KIAA1671: variants seen among roughly 807,000 people sequenced by gnomAD.
KIAA1671 encodes the protein uncharacterized protein KIAA1671.
In KIAA1671, 52 loss-of-function variants were observed where a neutral mutation model predicts 131.2. That is an observed-to-expected ratio of 0.40 (90% CI 0.32 to 0.50). KIAA1671 has a LOEUF of 0.50. Among genes scored for constraint, KIAA1671 ranks in the 20% least tolerant of loss-of-function variants. KIAA1671 has a pLI of 0.73. For synonymous variants in KIAA1671, 1,003 were observed against 961.6 expected, an observed-to-expected ratio of 1.04 and a Z score of -0.80; for missense variants, 2,360 against 2,364.2, an observed-to-expected ratio of 1.00 and a Z score of 0.04.
chr22:25,114,886 G>A (rs528374197), intron 6 of KIAA1671, among the ~76,000 whole-genome samples: 1 of 152,288 alleles, frequency 6.6e-6, no homozygotes, highest in East Asian at 1.9e-4. Flanking sequence ...GAGGGGGCAG[G>A]ATTTTAGTCT....
chr22:25,143,844 A>T (rs1332356777), intron 6 of KIAA1671, among the ~76,000 whole-genome samples: 1 of 151,750 alleles, frequency 6.6e-6, no homozygotes, highest in African/African-American at 2.4e-5. Context: ...AAGTGAATTA[A>T]CCTCTCTGAA....
intron 6 of KIAA1671, among the ~76,000 whole-genome samples, chr22:25,119,541 A>G (rs12158130): frequency 8.4e-4 from 128 of 152,364 alleles, no homozygotes; most frequent in African/African-American, 3.0e-3. Context: ...CATGGGACTC[A>G]TAGGAGCAGG....
At chr22:25,139,078 A>G (rs966518479) in intron 6 of KIAA1671, among the ~76,000 whole-genome samples, 7 of 152,168 alleles carry the variant, frequency 4.6e-5, no homozygotes, top group African/African-American at 1.7e-4. Flanking sequence ...AACAATTACT[A>G]TGGCTTTTAG....
At chr22:25,051,632 C>T (rs1927539864) in intron 6 of KIAA1671, 1 of 152,118 alleles carries the variant, frequency 6.6e-6, no homozygotes, top group Non-Finnish European at 1.5e-5. Flanking sequence ...CTTTTTTTCT[C>T]ACCTGTCCAA....
At chr22:24,994,123 A>G (rs969845744) in intron 1 of KIAA1671, among the ~76,000 whole-genome samples, 2 of 152,096 alleles carry the variant, frequency 1.3e-5, no homozygotes, top group South Asian at 2.1e-4. Flanking sequence ...AAGTGTTACA[A>G]CCTCATCATC....
In KIAA1671 at chr22:25,174,464, G is replaced by C. The variant is rs1042157157; in HGVS notation, c.4874G>C (p.Arg1625Thr). The stretch of plus-strand genomic sequence containing the variant: ...CCACCGGACGCCTGCCCTGAAAAGA[G>C]AGTAGATGACTTCTCCTTCATTGAT... ...PPPPDACPEK[R>T]VDDFSFIDQT... Residue 1625 changes from arginine (R) to threonine (T), a missense_variant, in exon 8 of 13, where the codon AGA (arginine) becomes ACA (threonine). This residue lies in a region of KIAA1671 where 1,161 missense variants were observed against 1,204.7 expected (regional missense o/e 0.96). Transcript: ENST00000358431. 4.6e-6 allele frequency: 7 copies of C among 1,534,806 alleles called. No individual in the cohort carries two copies. In the African/African-American group the frequency reaches 8.3e-5, roughly 18 times the overall value.
chr22:25,072,957 A>ATGGGCCCCTCCTCACTGCCCC (rs1024800598), intron 6 of KIAA1671, among the ~76,000 whole-genome samples: 1 of 152,184 alleles, frequency 6.6e-6, no homozygotes, highest in African/African-American at 2.4e-5. Context: ...TTTCTTCAGC[A>ATGGGCCCCTCCTCACTGCCCC]TGGGCCCCTC....
At chr22:25,111,301 G>A (rs1375220829) in intron 6 of KIAA1671, among the ~76,000 whole-genome samples, 1 of 152,256 alleles carries the variant, frequency 6.6e-6, no homozygotes, top group Non-Finnish European at 1.5e-5. Flanking sequence ...TGAGGGCACA[G>A]GGGTGGGTAG....
intron 6 of KIAA1671, chr22:25,053,028 A>T (rs371204211): frequency 6.6e-6 from 1 of 151,992 alleles, no homozygotes; most frequent in African/African-American, 2.4e-5. Context: ...TTATTATTTT[A>T]TTATTATTTG....
chr22:25,049,219 C>T lies in KIAA1671; in HGVS notation c.4396-11C>T. On this transcript the variant is annotated splice_polypyrimidine_tract_variant and intron_variant, in intron 5 of 12. Transcript: ENST00000358431. The stretch of plus-strand genomic sequence containing the variant: ...CCCAGTAAAGTCCTTTTCTTGTGCT[C>T]TGTGTTTCAGGTGCTGCCACGGGAC... 6.4e-7 allele frequency: 1 copy of T among 1,551,006 alleles called. No individual in the cohort carries two copies. The highest frequency in any genetic ancestry group is 8.7e-7 in the Non-Finnish European group (1 of 1,146,256).
In KIAA1671 at chr22:25,132,553, A is replaced by G. The variant is rs564225525; in HGVS notation, c.4531-38267A>G. ...GTGTTTCAGGAGTCTGTTGGGAAGT[A>G]CGTGAGATTCATGTGAATGGTACCT... On this transcript the variant is annotated intron_variant, in intron 6 of 12. Coordinates refer to ENST00000358431, the MANE Select transcript of KIAA1671 (RefSeq NM_001145206.2). 2.6e-4 allele frequency among the ~76,000 whole-genome samples: 39 copies of G among 152,294 alleles called. 1 individual carries two copies. In the East Asian group the frequency reaches 6.8e-3, roughly 26 times the overall value.
intron 1 of KIAA1671, among the ~76,000 whole-genome samples, chr22:25,006,950 T>G (rs1167228185): frequency 6.6e-6 from 1 of 152,192 alleles, no homozygotes; most frequent in African/African-American, 2.4e-5. Context: ...AGGCAATATA[T>G]CTGCAGGTTT....
At chr22:25,163,277 G>A (rs894065485) in intron 6 of KIAA1671, among the ~76,000 whole-genome samples, 2 of 145,042 alleles carry the variant, frequency 1.4e-5, no homozygotes, top group African/African-American at 2.5e-5. Flanking sequence ...GCAGTGAGCC[G>A]TTGACAGTGT....
rs1003643785 is a variant in KIAA1671 at position 25,028,031 on chromosome 22, C to T, written c.32C>T (p.Thr11Met). MATRVEVGSITPLTAVPGLGE... is the reference protein window; with the variant it reads MATRVEVGSIMPLTAVPGLGE... ...ACGCGGGTCGAGGTGGGCTCCATAA[C>T]GCCCTTGACGGCCGTGCCAGGCCTG... The change falls in exon 3 of 13, where the codon ACG becomes ATG. Residue 11 changes from threonine to methionine, a missense_variant. Thr to Met is a moderately conservative substitution (Grantham distance 81, BLOSUM62 -1). Coordinates refer to ENST00000358431, the MANE Select transcript of KIAA1671 (RefSeq NM_001145206.2). 3.3e-5 allele frequency: 51 copies of T among 1,523,870 alleles called. No individual in the cohort carries two copies. In the East Asian group the frequency reaches 5.2e-4, roughly 15 times the overall value. 94.4% of individuals were successfully genotyped at this position (1,523,870 alleles called of 1,614,324 possible).
intron 6 of KIAA1671, among the ~76,000 whole-genome samples, chr22:25,132,678 GTC>G (rs1247778553): frequency 6.6e-6 from 1 of 152,132 alleles, no homozygotes; most frequent in African/African-American, 2.4e-5. Context: ...TTCCCACCTT[GTC>G]TCTCTACTGA....
At chr22:25,135,290 A>G (rs113602418) in intron 6 of KIAA1671, among the ~76,000 whole-genome samples, 4 of 152,174 alleles carry the variant, frequency 2.6e-5, no homozygotes, top group East Asian at 1.9e-4. Context: ...GGTTCACACC[A>G]TTCTCCTGCC....
At chr22:25,072,953 C>T (rs1350479887) in intron 6 of KIAA1671, among the ~76,000 whole-genome samples, 3 of 152,236 alleles carry the variant, frequency 2.0e-5, no homozygotes, top group Admixed American at 1.3e-4. Flanking sequence ...ATCATTTCTT[C>T]AGCATGGGCC....
chr22:25,093,757 TCTCTCTCTCTGTCTCTCTC>T (rs1568951111), intron 6 of KIAA1671, among the ~76,000 whole-genome samples: 3 of 124,580 alleles, frequency 2.4e-5, no homozygotes, highest in Admixed American at 7.6e-5. Context: ...TCTCTCTCTC[TCTCTCTCTCTGTCTCTCTC>T]TCTCTCTCTC....
At chr22:25,017,458 G>T (rs569445377) in intron 1 of KIAA1671, among the ~76,000 whole-genome samples, 4 of 152,282 alleles carry the variant, frequency 2.6e-5, no homozygotes, top group African/African-American at 9.6e-5. Flanking sequence ...ACACTGGTGG[G>T]CAGGTCTTAC....
Sources: allele counts gnomAD v4.1 joint callset (sites outside exome capture counted in the v4.1 genomes callset), GRCh38; gene constraint gnomAD v4.1.1; regional missense constraint gnomAD v4.1.1; transcripts MANE v1.5; gene names NCBI Gene and HGNC (gene_info 2026-07-23, HGNC 2026-07-21).